The following PATJ variants were observed in gnomAD, a reference collection of about 807,000 sequenced individuals.
PATJ encodes the protein PATJ crumbs cell polarity complex component.
In PATJ, 190 loss-of-function variants were observed where a neutral mutation model predicts 224.9. That is an observed-to-expected ratio of 0.84 (90% CI 0.75 to 0.95). The LOEUF is 0.95. Among genes scored for constraint, PATJ ranks in the 40% least tolerant of loss-of-function variants. The probability of loss-of-function intolerance (pLI) is 0.00; values close to 1 mark genes in which losing one functional copy is unlikely to be tolerated. For synonymous variants in PATJ, 769 were observed against 820.3 expected (o/e 0.94, Z 1.07); for missense variants, 2,121 against 2,270.3 (o/e 0.93, Z 1.34).
intron 4 of PATJ, among the ~76,000 whole-genome samples, chr1:61,768,395 A>C (rs914631292): frequency 2.6e-5 from 4 of 151,910 alleles, no homozygotes; most frequent in African/African-American, 9.7e-5. Flanking sequence ...GCGTGAACCC[A>C]GGAGGCGGAG....
intron 33 of PATJ, among the ~76,000 whole-genome samples, chr1:62,103,104 G>A (rs1253622975): frequency 2.0e-5 from 3 of 152,248 alleles, no homozygotes; most frequent in Middle Eastern, 3.4e-3. Context: ...AGTTTCTGCT[G>A]TGGAGTTGAG....
chr1:62,040,863 T>C (rs1021749663), intron 30 of PATJ, among the ~76,000 whole-genome samples: 2 of 152,176 alleles, frequency 1.3e-5, no homozygotes, highest in African/African-American at 4.8e-5. Context: ...TCTTCAACCC[T>C]CATAGGTTCT....
At chr1:62,125,236 C>CAAAAAAAAAAAAACAA (rs1665550761) in intron 39 of PATJ, among the ~76,000 whole-genome samples, 1 of 27,736 alleles carries the variant, frequency 3.6e-5, no homozygotes, top group Admixed American at 5.7e-4. Flanking sequence ...AACCCTGTCT[C>CAAAAAAAAAAAAACAA]AAAAAAAAAA....
intron 1 of PATJ, among the ~76,000 whole-genome samples, chr1:61,746,905 A>G (rs976103733): frequency 1.3e-5 from 2 of 152,238 alleles, no homozygotes; most frequent in African/African-American, 4.8e-5. Flanking sequence ...TCTCATAGTG[A>G]ATTCACATTT....
At chr1:61,902,864 G>A (rs1671377918) in intron 24 of PATJ, among the ~76,000 whole-genome samples, 1 of 152,096 alleles carries the variant, frequency 6.6e-6, no homozygotes, top group African/African-American at 2.4e-5. Flanking sequence ...ACTTTGTTAT[G>A]GAAGATGATA....
intron 22 of PATJ, among the ~76,000 whole-genome samples, chr1:61,893,931 T>C (rs995813866): frequency 2.0e-5 from 3 of 152,008 alleles, no homozygotes; most frequent in Non-Finnish European, 4.4e-5. Context: ...TGTATTGTTT[T>C]AGGTTTTGTT....
intron 14 of PATJ, among the ~76,000 whole-genome samples, chr1:61,815,526 C>G (rs372302026): frequency 3.1e-4 from 47 of 152,204 alleles, no homozygotes; most frequent in African/African-American, 1.1e-3. Flanking sequence ...GGTTGCCATC[C>G]CATGGCCATC....
chr1:61,766,429 T>A lies in PATJ; in HGVS notation c.340T>A (p.Leu114Met). Residue 114 changes from leucine (L) to methionine (M), a missense_variant, in exon 4 of 44, where the codon TTG (leucine) becomes ATG (methionine). Leu to Met is a conservative substitution (Grantham distance 15). Coordinates refer to ENST00000642238, the MANE Select transcript of PATJ (RefSeq NM_001350145.3). ...VSGLFPWTPK[L>M]GNEDFNSVIQ... ...TGGGTTATTTCCGTGGACCCCGAAG[T>A]TGGGAAATGAAGACTTTAACTCAGT... 1 of 1,610,308 alleles carries A rather than the reference T, an allele frequency of 6.2e-7. No individual in the cohort carries two copies. Among genetic ancestry groups the A allele is most frequent in the South Asian group, 1.1e-5 (1 of 89,794 alleles).
intron 16 of PATJ, among the ~76,000 whole-genome samples, chr1:61,828,748 A>G (rs1487011902): frequency 6.6e-6 from 1 of 152,074 alleles, no homozygotes; most frequent in African/African-American, 2.4e-5. Context: ...CTCATCTTTT[A>G]TGCTACTTTC....
Position 61,754,520 on chromosome 1 carries a change from GTTTTTTTTTTTT to G in PATJ, c.-35-8327_-35-8316del, listed in dbSNP as rs548557219. ...ACCATGCCTGGCTAATTTTTTGCAT[GTTTTTTTTTTTT>G]TTTTTTTTTTGTAGATACAGGGTTC... On this transcript the variant is annotated intron_variant, in intron 1 of 43. Coordinates refer to ENST00000642238, the MANE Select transcript of PATJ (RefSeq NM_001350145.3). Among the ~76,000 whole-genome samples, 550 of 94,464 alleles carry G rather than the reference GTTTTTTTTTTTT, an allele frequency of 5.8e-3. 3 individuals carry two copies. The highest frequency in any genetic ancestry group is 0.019 in the African/African-American group (516 of 26,510). 62.0% of individuals were successfully genotyped at this position (94,464 alleles called of 152,430 possible).
chr1:61,927,980 T>A, intron 27 of PATJ, 151 bp downstream of exon 27: 1 of 592,548 alleles, frequency 1.7e-6, no homozygotes, highest in Non-Finnish European at 2.9e-6. Context: ...TTGAAGCTTT[T>A]GTGGCGTCAT....
At chr1:61,863,525 A>T (rs1277516953) in intron 19 of PATJ, among the ~76,000 whole-genome samples, 1 of 152,202 alleles carries the variant, frequency 6.6e-6, no homozygotes, top group Non-Finnish European at 1.5e-5. Flanking sequence ...TTCTCCAGAG[A>T]TAGGTCATGG....
chr1:61,842,114 T>C (rs1434934914), intron 17 of PATJ, among the ~76,000 whole-genome samples: 1 of 152,112 alleles, frequency 6.6e-6, no homozygotes, highest in Non-Finnish European at 1.5e-5. Flanking sequence ...TGTAGTGTGC[T>C]CAGGATGACG....
chr1:61,860,908 G>A (rs1664435431), intron 18 of PATJ, among the ~76,000 whole-genome samples: 1 of 151,914 alleles, frequency 6.6e-6, no homozygotes, highest in African/African-American at 2.4e-5. Flanking sequence ...GACAGCCAGG[G>A]TCGAAATTTT....
At chr1:61,989,545 C>A (rs1644947801) in intron 27 of PATJ, among the ~76,000 whole-genome samples, 1 of 152,104 alleles carries the variant, frequency 6.6e-6, no homozygotes, top group Admixed American at 6.6e-5. Flanking sequence ...GACCGTAAGT[C>A]CTAAGAGTAG....
At chr1:61,941,209 A>G (rs1034617302) in intron 27 of PATJ, among the ~76,000 whole-genome samples, 8 of 152,236 alleles carry the variant, frequency 5.3e-5, no homozygotes, top group Admixed American at 2.0e-4. Context: ...ACTAAAAATA[A>G]TAGCTTTTAA....
chr1:61,768,226 T>C (rs1441832385), intron 4 of PATJ, among the ~76,000 whole-genome samples: 2 of 152,068 alleles, frequency 1.3e-5, no homozygotes, highest in East Asian at 3.9e-4. Context: ...TCCCAGCACT[T>C]TGGGAGGCCA....
At chr1:61,994,571 C>G (rs1434286639) in intron 28 of PATJ, among the ~76,000 whole-genome samples, 1 of 150,682 alleles carries the variant, frequency 6.6e-6, no homozygotes, top group East Asian at 1.9e-4. Context: ...TTTTTTTTCC[C>G]AAGACAGAGT....
At chr1:62,015,975 G>A (rs1646750221) in intron 28 of PATJ, among the ~76,000 whole-genome samples, 1 of 152,080 alleles carries the variant, frequency 6.6e-6, no homozygotes. Flanking sequence ...ATTTTTAGTA[G>A]AGACAGGGTT....
Sources: gnomAD v4.1 joint callset for allele counts (sites outside exome capture counted in the v4.1 genomes callset) on GRCh38, gnomAD v4.1.1 for gene constraint, MANE v1.5 for transcripts, NCBI Gene and HGNC (gene_info 2026-07-23, HGNC 2026-07-21) for gene names.